Variants in NAA15 observed in about 807,000 individuals in gnomAD.
NAA15 encodes N-terminal acetyltransferase.
NAA15 carries 34 observed loss-of-function variants against 114.0 expected under a neutral mutation model. The observed-to-expected ratio is 0.30, with a 90% CI of 0.23 to 0.40. The LOEUF (loss-of-function observed/expected upper bound fraction) is 0.40. NAA15 is among the 10% of genes least tolerant of loss of function. NAA15 has a pLI of 1.00. For missense variants in NAA15, 658 were observed against 1,004.5 expected (o/e 0.66, Z 4.66); for synonymous variants, 340 against 338.0 (o/e 1.01, Z -0.06).
chr4:139,357,470 C>T lies in NAA15; in HGVS notation c.1172C>T (p.Ser391Phe). Residue 391 changes from serine (S) to phenylalanine (F), a missense_variant, in exon 11 of 20, where the codon TCT (serine) becomes TTT (phenylalanine). Physicochemically the swap from Ser to Phe is radical, Grantham distance 155 (BLOSUM62 -2). Transcript: ENST00000296543. ...CATTATGACAAAATTGGTCAGCCAT[C>T]TATTGCTTTGGAGTACATAAATACT... ...AQHYDKIGQPSIALEYINTAI... is the reference protein window; with the variant it reads ...AQHYDKIGQPFIALEYINTAI... 1.2e-6 allele frequency: 2 copies of T among 1,613,618 alleles called. No homozygotes were observed. Among genetic ancestry groups the T allele is most frequent in the South Asian group, 1.1e-5 (1 of 91,068 alleles).
intron 11 of NAA15, 132 bp downstream of exon 11, chr4:139,357,687 G>A: frequency 1.6e-6 from 1 of 636,076 alleles, no homozygotes; most frequent in Non-Finnish European, 2.6e-6. Flanking sequence ...AACAAGTATA[G>A]TACATTTCTC....
intron 11 of NAA15, 43 bp from the exon 12 acceptor site, chr4:139,359,700 C>T (rs113890225): frequency 9.6e-6 from 15 of 1,559,750 alleles, no homozygotes; most frequent in African/African-American, 7.0e-5. Context: ...GCACAGTAAA[C>T]TTAGCATGCT....
At chr4:139,304,055 C>T (rs1300820406) in intron 1 of NAA15, among the ~76,000 whole-genome samples, 1 of 152,140 alleles carries the variant, frequency 6.6e-6, no homozygotes, top group Non-Finnish European at 1.5e-5. Context: ...GTAGCTGGGA[C>T]TACAGGTGCC....
chr4:139,371,633 C>A (rs1005296299), intron 15 of NAA15, among the ~76,000 whole-genome samples: 4 of 151,214 alleles, frequency 2.6e-5, no homozygotes, highest in South Asian at 2.1e-4. Context: ...AACACAATAC[C>A]TTTTTATTGT....
chr4:139,383,000 A>AT (rs1312816036), intron 17 of NAA15, among the ~76,000 whole-genome samples: 3 of 152,186 alleles, frequency 2.0e-5, no homozygotes, highest in African/African-American at 7.2e-5. Context: ...AAAGATCAGC[A>AT]TATGTTGCAC....
intron 1 of NAA15, among the ~76,000 whole-genome samples, chr4:139,328,670 T>A (rs1379157641): frequency 1.3e-5 from 2 of 149,616 alleles, no homozygotes; most frequent in Non-Finnish European, 3.0e-5. Context: ...CGGGTTCAAG[T>A]GATTCTCCTG....
chr4:139,303,893 G>T (rs1745904567), intron 1 of NAA15, among the ~76,000 whole-genome samples: 1 of 152,194 alleles, frequency 6.6e-6, no homozygotes, highest in Non-Finnish European at 1.5e-5. Context: ...GGTTCATATG[G>T]AGATTTTCTC....
chr4:139,309,650 A>C (rs982020517), intron 1 of NAA15, among the ~76,000 whole-genome samples: 1 of 152,172 alleles, frequency 6.6e-6, no homozygotes, highest in East Asian at 1.9e-4. Flanking sequence ...TTTTTGTTTT[A>C]AACTGACAGC....
chr4:139,383,819 C>T (rs1748817348), intron 17 of NAA15, among the ~76,000 whole-genome samples: 1 of 152,200 alleles, frequency 6.6e-6, no homozygotes, highest in Non-Finnish European at 1.5e-5. Context: ...GTTTATTATA[C>T]AGTGATAGCT....
At chr4:139,376,217 T>TAAA in intron 15 of NAA15, 148 bp from the exon 16 acceptor site, 1 of 522,492 alleles carries the variant, frequency 1.9e-6, no homozygotes, top group Non-Finnish European at 3.3e-6. Context: ...TCCCCTTTTT[T>TAAA]AGGTTATAGG....
At chr4:139,344,386 G>C in intron 6 of NAA15, 47 bp downstream of exon 6, 1 of 1,485,128 alleles carries the variant, frequency 6.7e-7, no homozygotes, top group Non-Finnish European at 9.2e-7. Context: ...AAATATGACA[G>C]AGCAAGGCTG....
At chr4:139,317,251 G>T (rs973522207) in intron 1 of NAA15, among the ~76,000 whole-genome samples, 1 of 151,772 alleles carries the variant, frequency 6.6e-6, no homozygotes, top group African/African-American at 2.4e-5. Context: ...AATGCTGTGG[G>T]GTCAGCTATG....
chr4:139,379,625 A>G (rs1748685327), intron 17 of NAA15, among the ~76,000 whole-genome samples: 1 of 152,162 alleles, frequency 6.6e-6, no homozygotes, highest in African/African-American at 2.4e-5. Flanking sequence ...AGAACCTTTA[A>G]CAGAATAATC....
At chr4:139,313,847 T>C (rs1211872505) in intron 1 of NAA15, among the ~76,000 whole-genome samples, 1 of 151,862 alleles carries the variant, frequency 6.6e-6, no homozygotes, top group Non-Finnish European at 1.5e-5. Context: ...TGTTACAGTA[T>C]ATTTCTAAAT....
intron 1 of NAA15, among the ~76,000 whole-genome samples, chr4:139,326,657 T>C (rs1746812944): frequency 6.6e-6 from 1 of 152,242 alleles, no homozygotes; most frequent in Admixed American, 6.5e-5. Flanking sequence ...TACCTTGGAA[T>C]GTAATGCTAG....
chr4:139,340,787 CTCCCCT>C, intron 3 of NAA15, 119 bp from the exon 4 acceptor site: 1 of 657,544 alleles, frequency 1.5e-6, no homozygotes, highest in Non-Finnish European at 2.4e-6. Context: ...CAATCTCCCC[CTCCCCT>C]TCCCCTTCTT....
intron 1 of NAA15, among the ~76,000 whole-genome samples, chr4:139,314,984 C>T (rs1313809515): frequency 2.4e-5 from 2 of 84,390 alleles, no homozygotes; most frequent in Non-Finnish European, 5.3e-5. Context: ...CCTAGAGAAG[C>T]GTTCAGTTCA....
chr4:139,360,747 G>A (rs1579122993), intron 13 of NAA15, 119 bp downstream of exon 13: 1 of 889,754 alleles, frequency 1.1e-6, no homozygotes, highest in Non-Finnish European at 1.5e-6. Flanking sequence ...TTTAAAATCA[G>A]TATTCACTTT....
intron 2 of NAA15, among the ~76,000 whole-genome samples, chr4:139,334,747 G>A (rs1215125458): frequency 6.6e-6 from 1 of 152,172 alleles, no homozygotes; most frequent in Non-Finnish European, 1.5e-5. Flanking sequence ...TATTTGTAGA[G>A]CAAGGGGAGA....
Sources: gnomAD v4.1 joint callset for allele counts (sites outside exome capture counted in the v4.1 genomes callset) on GRCh38, gnomAD v4.1.1 for gene constraint, MANE v1.5 for transcripts, NCBI Gene and HGNC (gene_info 2026-07-23, HGNC 2026-07-21) for gene names.